SLC71A1: variants seen among roughly 807,000 people sequenced by gnomAD.
SLC71A1 encodes solute carrier family 71 member 1.
At chr1:100,066,310 C>T in the SLC71A1 span, among the ~76,000 whole-genome samples, 6 of 152,052 alleles carry the variant, frequency 3.9e-5, no homozygotes, top group African/African-American at 7.2e-5. Flanking sequence ...TCAAGATAAA[C>T]GTTCATTTAA....
At chr1:100,048,067 TA>T in the SLC71A1 span, among the ~76,000 whole-genome samples, 2,035 of 152,292 alleles carry the variant, frequency 0.013, 18 homozygotes, top group Middle Eastern at 0.058. Flanking sequence ...CTTTGATTTT[TA>T]AAAAAATTAG....
the SLC71A1 span, among the ~76,000 whole-genome samples, chr1:100,073,917 A>G: frequency 6.6e-6 from 1 of 152,236 alleles, no homozygotes; most frequent in Non-Finnish European, 1.5e-5. Flanking sequence ...AAGAACACTT[A>G]TATATTAAGT....
chr1:100,057,869 T>C, the SLC71A1 span: 3 of 152,230 alleles, frequency 2.0e-5, no homozygotes, highest in African/African-American at 7.2e-5. Context: ...TTGTTATTAC[T>C]GAGCGATAGC....
the SLC71A1 span, chr1:100,068,439 A>G: frequency 7.1e-7 from 1 of 1,402,382 alleles, no homozygotes. Flanking sequence ...TTTGATAGAA[A>G]ACCTTATATC....
chr1:100,077,963 A>G, the SLC71A1 span, among the ~76,000 whole-genome samples: 1 of 152,220 alleles, frequency 6.6e-6, no homozygotes, highest in Non-Finnish European at 1.5e-5. Flanking sequence ...AGGTGCTCAC[A>G]ATTGAAATTA....
At chr1:100,059,144 G>GTGTTTTTTT in the SLC71A1 span, among the ~76,000 whole-genome samples, 468 of 75,374 alleles carry the variant, frequency 6.2e-3, 11 homozygotes, top group Non-Finnish European at 7.7e-3. Flanking sequence ...TCTTTTTCGT[G>GTGTTTTTTT]TTTTTTTTTT....
At chr1:100,047,642 G>A in the SLC71A1 span, among the ~76,000 whole-genome samples, 8,996 of 152,174 alleles carry the variant, frequency 0.059, 350 homozygotes, top group African/African-American at 0.1. Flanking sequence ...GGCTGGTCTT[G>A]AACTCCTGAC....
the SLC71A1 span, chr1:100,078,604 G>A: frequency 1.6e-6 from 2 of 1,231,046 alleles, no homozygotes; most frequent in Non-Finnish European, 1.2e-6. Context: ...TTCTAATCCT[G>A]TGTTCTGTCT....
chr1:100,072,440 A>G, the SLC71A1 span, among the ~76,000 whole-genome samples: 1 of 152,072 alleles, frequency 6.6e-6, no homozygotes, highest in African/African-American at 2.4e-5. Context: ...ATCTCTGTTT[A>G]TTGCCTTAGT....
At chr1:100,078,317 G>C in the SLC71A1 span, 1 of 593,830 alleles carries the variant, frequency 1.7e-6, no homozygotes, top group Non-Finnish European at 3.0e-6. Flanking sequence ...CTTGCCCATA[G>C]TCACCTAGTA....
the SLC71A1 span, among the ~76,000 whole-genome samples, chr1:100,041,054 G>A: frequency 6.6e-6 from 1 of 152,058 alleles, no homozygotes; most frequent in Non-Finnish European, 1.5e-5. Flanking sequence ...CCGTTGTCCT[G>A]CTAATGACAT....
chr1:100,080,729 CAT>C, the SLC71A1 span: 1 of 1,351,064 alleles, frequency 7.4e-7, no homozygotes, highest in Non-Finnish European at 1.0e-6. Context: ...GGTTTTTGGT[CAT>C]GAAAGCTTTT....
At chr1:100,073,599 C>T in the SLC71A1 span, among the ~76,000 whole-genome samples, 1 of 152,202 alleles carries the variant, frequency 6.6e-6, no homozygotes, top group East Asian at 1.9e-4. Context: ...TTGTTCATAG[C>T]AGCTACAACC....
At chr1:100,073,190 C>G in the SLC71A1 span, among the ~76,000 whole-genome samples, 8 of 152,328 alleles carry the variant, frequency 5.3e-5, no homozygotes, top group East Asian at 1.5e-3. Context: ...CAGAGCGTTT[C>G]TGATATTCTC....
the SLC71A1 span, among the ~76,000 whole-genome samples, chr1:100,063,265 A>AAAAAAC: frequency 6.6e-6 from 1 of 151,394 alleles, no homozygotes; most frequent in Non-Finnish European, 1.5e-5. Flanking sequence ...TGTTCTGGCA[A>AAAAAAC]AAAACAAAAC....
the SLC71A1 span, among the ~76,000 whole-genome samples, chr1:100,073,872 GTTAAA>G: frequency 1.3e-5 from 2 of 152,098 alleles, no homozygotes; most frequent in Non-Finnish European, 2.9e-5. Flanking sequence ...CAAAATGAGA[GTTAAA>G]TTAAGGGACA....
chr1:100,059,796 T>A, the SLC71A1 span: 2 of 1,281,962 alleles, frequency 1.6e-6, no homozygotes, highest in Non-Finnish European at 2.1e-6. Context: ...TGTTGAAAAT[T>A]TTTCTATAGG....
At chr1:100,039,640 G>C in the SLC71A1 span, among the ~76,000 whole-genome samples, 1 of 152,242 alleles carries the variant, frequency 6.6e-6, no homozygotes, top group Non-Finnish European at 1.5e-5. Flanking sequence ...TGACCAAGTA[G>C]GTAAGAACTA....
chr1:100,078,483 T>C, the SLC71A1 span: 4 of 1,613,608 alleles, frequency 2.5e-6, no homozygotes, highest in South Asian at 1.1e-5. Flanking sequence ...GTAGCAGCCA[T>C]GTCTAGCATC....
Sources: gnomAD v4.1 joint callset for allele counts (sites outside exome capture counted in the v4.1 genomes callset) on GRCh38, gnomAD v4.1.1 for gene constraint, MANE v1.5 for transcripts, NCBI Gene and HGNC (gene_info 2026-07-23, HGNC 2026-07-21) for gene names.